SCYL3: variants seen among roughly 807,000 people sequenced by gnomAD.
The protein encoded by SCYL3 is protein-associating with the carboxyl-terminal domain of ezrin.
In SCYL3, 35 loss-of-function variants were observed where a neutral mutation model predicts 73.8. The observed-to-expected ratio is 0.47, with a 90% CI of 0.36 to 0.63. The LOEUF (loss-of-function observed/expected upper bound fraction) is 0.63, where lower values mean the gene tolerates loss of function less well. Among genes scored for constraint, SCYL3 ranks in the 20% least tolerant of loss-of-function variants. The pLI, the probability that SCYL3 is intolerant of heterozygous loss-of-function variation, is 0.00. For missense variants in SCYL3, 712 were observed against 798.9 expected (o/e 0.89, Z 1.31); for synonymous variants, 277 against 295.2 (o/e 0.94, Z 0.63).
At chr1:169,874,694 G>C (rs1027657837) in intron 4 of SCYL3, among the ~76,000 whole-genome samples, 1 of 152,206 alleles carries the variant, frequency 6.6e-6, no homozygotes, top group East Asian at 1.9e-4. Context: ...GGGAGGCTAA[G>C]GTGGGCAGAT....
rs894421360 is a variant in SCYL3, at chr1:169,853,060, A to AGAT, written c.*650_*652dup. On this transcript the variant is annotated 3_prime_UTR_variant, in exon 13 of 13. Transcript: ENST00000367771. Reference sequence around the variant, plus strand: ...TACTTATGTCTGTACATTTTCTAACAGATATAAAACAAATTTTGTAAAGTT... The same window carrying AGAT: ...TACTTATGTCTGTACATTTTCTAACAGATGATATAAAACAAATTTTGTAAAGTT... 1.9e-5 allele frequency: 28 copies of AGAT among 1,472,664 alleles called. No homozygotes were observed. The Admixed American group carries it at 2.2e-4, about 12-fold the overall frequency. The allele number at this position is 1,472,664 out of a possible 1,614,324, so 91.2% of individuals were successfully genotyped here.
intron 3 of SCYL3, 122 bp from the exon 4 acceptor site, chr1:169,876,213 C>T: frequency 2.0e-6 from 1 of 492,126 alleles, no homozygotes; most frequent in Non-Finnish European, 3.4e-6. Flanking sequence ...ATACTAATCA[C>T]CAAAAAAATT....
At chr1:169,870,839 T>C (rs1328389000) in intron 5 of SCYL3, among the ~76,000 whole-genome samples, 1 of 152,150 alleles carries the variant, frequency 6.6e-6, no homozygotes. Context: ...CACTAGTATA[T>C]ATACATAATA....
At chr1:169,884,332 T>C (rs144073555) in intron 2 of SCYL3, among the ~76,000 whole-genome samples, 2 of 152,130 alleles carry the variant, frequency 1.3e-5, no homozygotes, top group East Asian at 3.9e-4. Flanking sequence ...AGTGTCGCTC[T>C]TGTTACCCAG....
Position 169,853,527 on chromosome 1 carries a change from C to A in SCYL3, c.*186G>T. ...AAACCAGTACTGTGAGCCTCACCAC[C>A]CAGGGCTTTTAGCCAGCACTCACAG... On this transcript the variant is annotated 3_prime_UTR_variant, in exon 13 of 13. Coordinates refer to ENST00000367771, the MANE Select transcript of SCYL3 (RefSeq NM_020423.7). The A allele has an allele frequency of 1.6e-6, 1 of 614,166 alleles. No individual in the cohort carries two copies. Among genetic ancestry groups the A allele is most frequent in the East Asian group, 2.8e-5 (1 of 36,228 alleles). 38.0% of individuals were successfully genotyped at this position (614,166 alleles called of 1,614,324 possible). A position where few individuals can be genotyped will look rare whatever the true frequency, so the allele number is the denominator to read the frequency against.
At chr1:169,871,451 G>A (rs1407963708) in intron 5 of SCYL3, among the ~76,000 whole-genome samples, 4 of 152,126 alleles carry the variant, frequency 2.6e-5, no homozygotes, top group Admixed American at 6.6e-5. Flanking sequence ...CCCCAGCCAC[G>A]TGGAACTTTT....
chr1:169,860,022 G>C (rs1453305713), intron 10 of SCYL3: 1 of 152,278 alleles, frequency 6.6e-6, no homozygotes, highest in Non-Finnish European at 1.5e-5. Flanking sequence ...CTGCACTCTA[G>C]CTTGGGCAAC....
Position 169,853,230 on chromosome 1 carries a change from T to TAAC in SCYL3, c.*480_*482dup, listed in dbSNP as rs945556149. The TAAC allele has an allele frequency of 8.1e-6, 4 of 496,226 alleles. No individual in the cohort carries two copies. The highest frequency in any genetic ancestry group is 1.4e-5 in the Non-Finnish European group (4 of 280,874). 30.7% of individuals were successfully genotyped at this position (496,226 alleles called of 1,614,324 possible). A position where few individuals can be genotyped will look rare whatever the true frequency, so the allele number is the denominator to read the frequency against. The stretch of plus-strand genomic sequence containing the variant: ...CAAAGAACCATTTACTCAGATAGTC[T>TAAC]AACTGTAAACAAATAAATAAGCTGC... On this transcript the variant is annotated 3_prime_UTR_variant, in exon 13 of 13. Transcript: ENST00000367771.
At chr1:169,879,645 C>T (rs1482068193) in intron 2 of SCYL3, among the ~76,000 whole-genome samples, 1 of 152,084 alleles carries the variant, frequency 6.6e-6, no homozygotes, top group Non-Finnish European at 1.5e-5. Flanking sequence ...TCAAAATGTC[C>T]AGGATGCAAC....
chr1:169,851,770 A>G lies in SCYL3; in HGVS notation c.*1943T>C. On this transcript the variant is annotated 3_prime_UTR_variant, in exon 13 of 13. Coordinates refer to ENST00000367771, the MANE Select transcript of SCYL3 (RefSeq NM_020423.7). ...TATGTGGCCATTTCATATCTAGTAG[A>G]GTGCTAACATGTTGCTATTTGCTTG... The G allele has an allele frequency of 2.5e-6, 4 of 1,593,048 alleles. No homozygotes were observed. In the South Asian group the frequency reaches 3.4e-5, roughly 14 times the overall value.
chr1:169,878,180 A>T (rs556035307), intron 3 of SCYL3, among the ~76,000 whole-genome samples: 5 of 152,376 alleles, frequency 3.3e-5, no homozygotes, highest in Admixed American at 3.3e-4. Flanking sequence ...CAAATGGGAA[A>T]GGAAAGGATA....
chr1:169,855,689 T>C, intron 11 of SCYL3: 1 of 1,024,226 alleles, frequency 9.8e-7, no homozygotes, highest in Non-Finnish European at 1.4e-6. Context: ...GACTACATAA[T>C]TACAAATAAA....
chr1:169,850,535 T>C lies in SCYL3; in HGVS notation c.*3178A>G. 1 of 494,930 alleles carries C rather than the reference T, an allele frequency of 2.0e-6. No homozygotes were observed. The highest frequency in any genetic ancestry group is 3.6e-6 in the Non-Finnish European group (1 of 274,516). 30.7% of individuals were successfully genotyped at this position (494,930 alleles called of 1,614,324 possible). A position where few individuals can be genotyped will look rare whatever the true frequency, so the allele number is the denominator to read the frequency against. ...ACTTGGGGCCAGGCGCGGCGGCTCA[T>C]GCCTGTAATCCCAGCACTTTGGGAG... On this transcript the variant is annotated 3_prime_UTR_variant, in exon 13 of 13. Transcript: ENST00000367771.
intron 10 of SCYL3, among the ~76,000 whole-genome samples, chr1:169,861,692 G>A (rs113649107): frequency 1.3e-5 from 2 of 152,216 alleles, no homozygotes; most frequent in Admixed American, 6.5e-5. Flanking sequence ...TGAAAGCAGA[G>A]AGAATGTTAA....
chr1:169,886,727 C>T (rs1661711513), intron 2 of SCYL3, among the ~76,000 whole-genome samples: 1 of 152,154 alleles, frequency 6.6e-6, no homozygotes. Context: ...GCAAATTATA[C>T]TGTTAATTAT....
chr1:169,881,052 G>A (rs900007926), intron 2 of SCYL3, among the ~76,000 whole-genome samples: 2 of 152,136 alleles, frequency 1.3e-5, no homozygotes, highest in Admixed American at 6.5e-5. Flanking sequence ...GTGAGCCACC[G>A]TGCCCAGGTG....
Position 169,866,819 on chromosome 1 carries a change from T to A in SCYL3, c.815+77A>T, listed in dbSNP as rs948401581. On this transcript the variant is annotated intron_variant, in intron 8 of 12. Coordinates refer to ENST00000367771, the MANE Select transcript of SCYL3 (RefSeq NM_020423.7). The stretch of plus-strand genomic sequence containing the variant: ...AAATAAACCAAATATATGACTCATC[T>A]TCTCTAGAATACCTAAAGTGATTAT... The A allele has an allele frequency of 4.9e-6, 4 of 821,282 alleles. No individual in the cohort carries two copies. In the African/African-American group the frequency reaches 7.0e-5, roughly 14 times the overall value. The allele number at this position is 821,282 out of a possible 1,614,324, so 50.9% of individuals were successfully genotyped here.
intron 3 of SCYL3, among the ~76,000 whole-genome samples, chr1:169,877,412 C>T (rs191264816): frequency 1.3e-3 from 201 of 152,288 alleles, no homozygotes; most frequent in African/African-American, 4.7e-3. Flanking sequence ...CTTGCCTTGG[C>T]CTCCCAAAGT....
intron 6 of SCYL3, among the ~76,000 whole-genome samples, chr1:169,869,802 G>A (rs1571414491): frequency 6.6e-6 from 1 of 152,072 alleles, no homozygotes; most frequent in East Asian, 1.9e-4. Context: ...AAAGTGAAGA[G>A]TAAATTAATA....
Sources: gnomAD v4.1 joint callset for allele counts (sites outside exome capture counted in the v4.1 genomes callset) on GRCh38, gnomAD v4.1.1 for gene constraint, MANE v1.5 for transcripts, NCBI Gene and HGNC (gene_info 2026-07-23, HGNC 2026-07-21) for gene names.